The following NCMAP variants were observed in gnomAD, a reference collection of about 807,000 sequenced individuals.
NCMAP encodes the protein noncompact myelin-associated protein.
NCMAP carries 8 observed loss-of-function variants against 7.8 expected under a neutral mutation model. The ratio of observed to expected loss-of-function variants is 1.02; its 90% CI spans 0.60 to 1.84. The LOEUF is 1.84. NCMAP is among the 40% of genes most tolerant of loss of function. The pLI, the probability that NCMAP is intolerant of heterozygous loss-of-function variation, is 0.00. For synonymous variants in NCMAP, 41 were observed against 52.9 expected (o/e 0.78, Z 0.98); for missense variants, 112 against 131.4 (o/e 0.85, Z 0.72).
At position 24,557,743 on chromosome 1, in the gene NCMAP, T is replaced by C. The variant is rs990605277; in HGVS notation, c.-8+1574T>C. ...CATGACCCCTTCATGGCCTGTGGCT[T>C]TCTTCACCTTGTCCCTGCTGGGCTC... On this transcript the variant is annotated intron_variant, in intron 1 of 3. Transcript: ENST00000374392. Among the ~76,000 whole-genome samples, 67 of 152,156 alleles carry C rather than the reference T, an allele frequency of 4.4e-4. 1 individual carries two copies. The highest frequency in any genetic ancestry group is 1.6e-3 in the African/African-American group (67 of 41,440).
chr1:24,579,696 T>A (rs757073053), intron 1 of NCMAP, among the ~76,000 whole-genome samples: 30 of 152,178 alleles, frequency 2.0e-4, no homozygotes, highest in Non-Finnish European at 4.1e-4. Context: ...ACCACTGCAC[T>A]CCAGCCTGAG....
intron 1 of NCMAP, among the ~76,000 whole-genome samples, chr1:24,577,021 C>T (rs900613016): frequency 1.2e-4 from 18 of 152,052 alleles, no homozygotes; most frequent in African/African-American, 4.1e-4. Flanking sequence ...GCCTGTGATC[C>T]CAGCTCCTCG....
At position 24,604,603 on chromosome 1, in the gene NCMAP, AAAATATATATATATATATATATATAT is replaced by A. The variant is rs1324660582; in HGVS notation, c.168-1001_168-976del. ...AAAAAAAAAAAAAAAAAAAAAAAAAAAAATATATATATATATATATATATATATATATATATATATATATATATATG... is the reference window on the plus strand; with the variant it reads ...AAAAAAAAAAAAAAAAAAAAAAAAAAATATATATATATATATATATATATG... On this transcript the variant is annotated intron_variant, in intron 3 of 3. Transcript: ENST00000374392. Among the ~76,000 whole-genome samples the A allele has an allele frequency of 1.9e-3, 80 of 41,360 alleles. 2 individuals carry two copies. Among genetic ancestry groups the A allele is most frequent in the Non-Finnish European group, 2.4e-3 (61 of 25,766 alleles). The allele number at this position is 41,360 out of a possible 152,430, so 27.1% of individuals were successfully genotyped here.
chr1:24,596,733 A>G (rs929104838), intron 2 of NCMAP, among the ~76,000 whole-genome samples: 2 of 152,204 alleles, frequency 1.3e-5, no homozygotes, highest in African/African-American at 2.4e-5. Context: ...TTTATACTAT[A>G]TTGCAAGGCA....
At position 24,595,463 on chromosome 1, in the gene NCMAP, C is replaced by T; in HGVS notation, c.33C>T (p.Thr11=). The change falls in exon 2 of 4, where the codon ACC becomes ACT. Residue 11 remains threonine (T), a synonymous_variant. Coordinates refer to ENST00000374392, the MANE Select transcript of NCMAP (RefSeq NM_001010980.5). The part of the protein sequence containing the change: MTTATPLGDT[T]FFSLNMTTRG... ...CAGCCACCCCTCTGGGGGATACCAC[C>T]TTCTTCTCACTGAACATGACCACCA... 2 of 1,614,020 alleles carry T rather than the reference C, an allele frequency of 1.2e-6. No homozygotes were observed. Among genetic ancestry groups the T allele is most frequent in the Non-Finnish European group, 1.7e-6 (2 of 1,179,876 alleles).
chr1:24,574,133 T>C (rs115480454), intron 1 of NCMAP, among the ~76,000 whole-genome samples: 44,295 of 149,254 alleles, frequency 0.3, 7,674 homozygotes, highest in Admixed American at 0.44. Flanking sequence ...GAGGGGTTTT[T>C]TTTTTTTAGA....
At chr1:24,602,232 T>A (rs940681624) in intron 3 of NCMAP, among the ~76,000 whole-genome samples, 2 of 152,166 alleles carry the variant, frequency 1.3e-5, no homozygotes, top group African/African-American at 2.4e-5. Context: ...GTCTACATGA[T>A]GGCATTGTTA....
Position 24,608,794 on chromosome 1 carries a change from G to C in NCMAP, c.*3047G>C, listed in dbSNP as rs1652839777. 1 of 152,716 alleles carries C rather than the reference G, an allele frequency of 6.5e-6. No homozygotes were observed. Among genetic ancestry groups the C allele is most frequent in the African/African-American group, 2.4e-5 (1 of 41,450 alleles). The allele number at this position is 152,716 out of a possible 1,614,324, so 9.5% of individuals were successfully genotyped here. ...GCCTGTATTCCCAGCTACTTGGGAG[G>C]CTGAGGTAGGAGGATGGCTTGAGCC... On this transcript the variant is annotated 3_prime_UTR_variant, in exon 4 of 4. Coordinates refer to ENST00000374392, the MANE Select transcript of NCMAP (RefSeq NM_001010980.5).
chr1:24,556,125 GC>G lies in NCMAP; in HGVS notation c.-51del. 1 of 153,114 alleles carries G rather than the reference GC, an allele frequency of 6.5e-6. No homozygotes were observed. The highest frequency in any genetic ancestry group is 1.9e-4 in the South Asian group (1 of 5,394). 9.5% of individuals were successfully genotyped at this position (153,114 alleles called of 1,614,324 possible). A position where few individuals can be genotyped will look rare whatever the true frequency, so the allele number is the denominator to read the frequency against. On this transcript the variant is annotated 5_prime_UTR_variant, in exon 1 of 4. Transcript: ENST00000374392. ...GCGGCGGCGGGGACCCTGGCTGGGA[GC>G]GCGGCGGTGCCGGCGGGAGGCCGAG...
intron 3 of NCMAP, 77 bp from the exon 4 acceptor site, chr1:24,605,529 G>C: frequency 6.6e-7 from 1 of 1,523,702 alleles, no homozygotes; most frequent in Non-Finnish European, 9.0e-7. Context: ...CTGTTGGCCA[G>C]AACTGTAGTC....
intron 1 of NCMAP, among the ~76,000 whole-genome samples, chr1:24,593,328 AAAAG>A (rs1369907842): frequency 6.6e-6 from 1 of 152,082 alleles, no homozygotes; most frequent in African/African-American, 2.4e-5. Context: ...CTATAAAAAA[AAAAG>A]AGTTTTTTTA....
intron 2 of NCMAP, among the ~76,000 whole-genome samples, chr1:24,598,120 G>A (rs1652324210): frequency 6.6e-6 from 1 of 152,118 alleles, no homozygotes; most frequent in South Asian, 2.1e-4. Context: ...GTCTCCCCAA[G>A]AAGGAAAAAA....
intron 2 of NCMAP, among the ~76,000 whole-genome samples, chr1:24,595,850 C>G (rs1006350245): frequency 2.1e-5 from 3 of 140,782 alleles, no homozygotes; most frequent in African/African-American, 7.9e-5. Flanking sequence ...CTCTGTACCT[C>G]AGTTTCCTCA....
chr1:24,572,478 A>G (rs916066966), intron 1 of NCMAP, among the ~76,000 whole-genome samples: 2 of 150,544 alleles, frequency 1.3e-5, no homozygotes, highest in Non-Finnish European at 2.9e-5. Context: ...GGTAACAGAT[A>G]TGGTTCTGGG....
intron 1 of NCMAP, among the ~76,000 whole-genome samples, chr1:24,571,572 A>G (rs1203989073): frequency 1.6e-4 from 24 of 150,612 alleles, no homozygotes; most frequent in Admixed American, 1.6e-3. Flanking sequence ...GTCAATAGAA[A>G]AAAACTTCAT....
intron 2 of NCMAP, among the ~76,000 whole-genome samples, chr1:24,598,669 G>A (rs765744460): frequency 3.4e-5 from 5 of 147,876 alleles, no homozygotes; most frequent in East Asian, 4.0e-4. Flanking sequence ...TCACTCTGCC[G>A]CCCAGGCTGG....
At chr1:24,586,876 G>A (rs1193232779) in intron 1 of NCMAP, among the ~76,000 whole-genome samples, 1 of 152,078 alleles carries the variant, frequency 6.6e-6, no homozygotes. Flanking sequence ...CAGGTGTGCT[G>A]TGGCTGCCTG....
rs1218899487 is a variant in NCMAP at position 24,565,973 on chromosome 1, G to T, written c.-8+9804G>T. Among the ~76,000 whole-genome samples, 7 of 152,140 alleles carry T rather than the reference G, an allele frequency of 4.6e-5. No individual in the cohort carries two copies. In the East Asian group the frequency reaches 1.4e-3, roughly 29 times the overall value. On this transcript the variant is annotated intron_variant, in intron 1 of 3. Transcript: ENST00000374392. The stretch of plus-strand genomic sequence containing the variant: ...GAGTGAGTTCTCATGAGATCTGATG[G>T]TTCTGTAAGGGGCTCTTCCCCTTTC...
At chr1:24,568,857 A>C (rs1651303801) in intron 1 of NCMAP, among the ~76,000 whole-genome samples, 1 of 152,144 alleles carries the variant, frequency 6.6e-6, no homozygotes, top group African/African-American at 2.4e-5. Flanking sequence ...TCCTGGGCTC[A>C]AGAGATCCTC....
Sources: allele counts gnomAD v4.1 joint callset (sites outside exome capture counted in the v4.1 genomes callset), GRCh38; gene constraint gnomAD v4.1.1; transcripts MANE v1.5; gene names NCBI Gene and HGNC (gene_info 2026-07-23, HGNC 2026-07-21).